Variants in AP3B1 observed in about 807,000 individuals in gnomAD.
The protein encoded by AP3B1 is adaptor related protein complex 3 subunit beta 1, also known as AP-3 complex subunit beta-1.
In AP3B1, 61 loss-of-function variants were observed where a neutral mutation model predicts 132.5. The observed-to-expected ratio is 0.46, with a 90% CI of 0.37 to 0.57. The LOEUF is 0.57. Ranked by LOEUF, AP3B1 falls within the 20% of genes least tolerant of loss-of-function variation. The pLI is 0.00. For missense variants in AP3B1, 1,120 were observed against 1,289.4 expected (o/e 0.87, Z 2.01); for synonymous variants, 388 against 438.3 (o/e 0.89, Z 1.43).
In AP3B1 at chr5:78,030,922, C is replaced by G. The variant is rs192993547; in HGVS notation, c.2894+3439G>C. ...TTGAAACTCCTGGGCTCAAACAATTCTCCCGCTTTGGCCTCCCAACGTGCT... is the reference window on the plus strand; with the variant it reads ...TTGAAACTCCTGGGCTCAAACAATTGTCCCGCTTTGGCCTCCCAACGTGCT... On this transcript the variant is annotated intron_variant, in intron 24 of 26. Transcript: ENST00000255194. Among the ~76,000 whole-genome samples the G allele has an allele frequency of 1.1e-4, 16 of 152,288 alleles. No homozygotes were observed. In the East Asian group the frequency reaches 3.1e-3, roughly 29 times the overall value.
intron 6 of AP3B1, among the ~76,000 whole-genome samples, chr5:78,224,143 C>T (rs140863345): frequency 1.3e-5 from 2 of 152,102 alleles, no homozygotes; most frequent in South Asian, 2.1e-4. Flanking sequence ...AGATAGCATG[C>T]CTGTCATACA....
chr5:78,049,519 G>A (rs1179278557), intron 22 of AP3B1, among the ~76,000 whole-genome samples: 1 of 152,186 alleles, frequency 6.6e-6, no homozygotes, highest in Non-Finnish European at 1.5e-5. Context: ...ATCAACTAGT[G>A]TGATAAATGT....
At chr5:78,011,186 G>T (rs1746610211) in intron 26 of AP3B1, among the ~76,000 whole-genome samples, 1 of 151,912 alleles carries the variant, frequency 6.6e-6, no homozygotes, top group African/African-American at 2.4e-5. Flanking sequence ...GGGATTACAG[G>T]CGCCTGCCAC....
chr5:78,129,178 C>CA lies in AP3B1; in HGVS notation c.1779dup (p.Ala594CysfsTer15). On this transcript the variant is annotated frameshift_variant, in exon 16 of 27. Transcript: ENST00000255194. LOFTEE classifies it high-confidence loss of function. The stretch of plus-strand genomic sequence containing the variant: ...TTTTGTGCTAGGAATATTTTTTTGG[C>CA]ATATTTACTTAAAGCTCCACTCTTT... 1.9e-6 allele frequency: 3 copies of CA among 1,613,116 alleles called. No homozygotes were observed. Among genetic ancestry groups the CA allele is most frequent in the Non-Finnish European group, 2.5e-6 (3 of 1,179,472 alleles).
intron 14 of AP3B1, among the ~76,000 whole-genome samples, chr5:78,147,237 T>G (rs1753445447): frequency 6.6e-6 from 1 of 152,076 alleles, no homozygotes; most frequent in South Asian, 2.1e-4. Flanking sequence ...AAATTACCCT[T>G]TTTTCATTTT....
intron 1 of AP3B1, among the ~76,000 whole-genome samples, chr5:78,273,452 C>T (rs2112570834): frequency 6.6e-6 from 1 of 152,242 alleles, no homozygotes; most frequent in Middle Eastern, 3.4e-3. Context: ...TCCCTCAGTA[C>T]ATTTCCCAAA....
At chr5:78,034,214 T>G (rs1747700323) in intron 24 of AP3B1, 147 bp downstream of exon 24, 1 of 690,674 alleles carries the variant, frequency 1.4e-6, no homozygotes, top group Admixed American at 2.2e-5. Flanking sequence ...GTACAACTAT[T>G]CCAAGGCAGT....
intron 2 of AP3B1, among the ~76,000 whole-genome samples, chr5:78,266,466 A>G (rs1748327398): frequency 6.6e-6 from 1 of 152,066 alleles, no homozygotes; most frequent in Admixed American, 6.6e-5. Flanking sequence ...ATACCACCTC[A>G]CTTTTTAACA....
intron 17 of AP3B1, among the ~76,000 whole-genome samples, chr5:78,117,934 T>G (rs1751932559): frequency 6.6e-6 from 1 of 152,214 alleles, no homozygotes; most frequent in Admixed American, 6.5e-5. Flanking sequence ...GATTGTACCT[T>G]TGAGTTTTTC....
Position 78,113,733 on chromosome 5 carries a change from T to A in AP3B1, c.2249+19A>T. The A allele has an allele frequency of 6.2e-7, 1 of 1,612,730 alleles. No individual in the cohort carries two copies. Among genetic ancestry groups the A allele is most frequent in the Non-Finnish European group, 8.5e-7 (1 of 1,179,942 alleles). ...TTCACAGAATATTTTTTGAAGGAAATTCTGACAAAATAAGTTACCTTTTTC... is the reference window on the plus strand; with the variant it reads ...TTCACAGAATATTTTTTGAAGGAAAATCTGACAAAATAAGTTACCTTTTTC... On this transcript the variant is annotated intron_variant, in intron 19 of 26. Transcript: ENST00000255194.
Position 78,162,882 on chromosome 5 carries a change from TG to T in AP3B1, c.1299del (p.Asn434ThrfsTer23). The stretch of plus-strand genomic sequence containing the variant: ...CACGTGTCAGTGACTTCCAAGATGT[TG>T]GTTGCACATCTGCCTATAGTCTGAA... ...ATIQTIGRCA[T>X]NILEVTDTCL... is the part of the protein sequence containing the mutation. On this transcript the variant is annotated frameshift_variant, in exon 13 of 27. Transcript: ENST00000255194. LOFTEE classifies it high-confidence loss of function. 1 of 1,613,742 alleles carries T rather than the reference TG, an allele frequency of 6.2e-7. No homozygotes were observed. The highest frequency in any genetic ancestry group is 8.5e-7 in the Non-Finnish European group (1 of 1,179,614).
intron 7 of AP3B1, among the ~76,000 whole-genome samples, chr5:78,211,971 A>G (rs1745756575): frequency 6.6e-6 from 1 of 152,242 alleles, no homozygotes; most frequent in African/African-American, 2.4e-5. Flanking sequence ...GCCCTATGGC[A>G]AATGGAATAC....
At chr5:78,042,781 C>G in intron 22 of AP3B1, 1 of 156,968 alleles carries the variant, frequency 6.4e-6, no homozygotes, top group Middle Eastern at 6.3e-4. Flanking sequence ...ATGATGGACA[C>G]AGAGTTTGTT....
intron 18 of AP3B1, chr5:78,115,896 T>C (rs1433552452): frequency 3.9e-6 from 2 of 517,056 alleles, no homozygotes; most frequent in Admixed American, 5.7e-5. Context: ...GTTTCAGCTA[T>C]ACCAATGTAT....
intron 26 of AP3B1, among the ~76,000 whole-genome samples, chr5:78,010,717 G>A (rs1163031378): frequency 6.6e-6 from 1 of 151,944 alleles, no homozygotes; most frequent in Non-Finnish European, 1.5e-5. Context: ...TCCTACCTTC[G>A]AACACATGAG....
In AP3B1 at chr5:78,002,451, A is replaced by G. The variant is rs1746226379; in HGVS notation, c.*451T>C. 4.8e-6 allele frequency: 2 copies of G among 414,280 alleles called. No individual in the cohort carries two copies. The highest frequency in any genetic ancestry group is 3.5e-5 in the East Asian group (1 of 28,844). 25.7% of individuals were successfully genotyped at this position (414,280 alleles called of 1,614,324 possible). On this transcript the variant is annotated 3_prime_UTR_variant, in exon 27 of 27. Transcript: ENST00000255194. ...AATCTTGCAGAGACTATGCTTTTGTATTTGGATTTAAAAAGTATGTGATCT... is the reference window on the plus strand; with the variant it reads ...AATCTTGCAGAGACTATGCTTTTGTGTTTGGATTTAAAAAGTATGTGATCT...
At chr5:78,012,981 A>C (rs973319025) in intron 26 of AP3B1, among the ~76,000 whole-genome samples, 4 of 152,182 alleles carry the variant, frequency 2.6e-5, no homozygotes, top group African/African-American at 9.7e-5. Flanking sequence ...GGTCCCTCTA[A>C]GTCTATCTCC....
chr5:78,043,466 C>A, intron 22 of AP3B1: 1 of 233,362 alleles, frequency 4.3e-6, no homozygotes, highest in South Asian at 6.3e-5. Context: ...TCTTCCTCTG[C>A]CTATCATCAC....
chr5:78,009,103 C>A (rs900010267), intron 26 of AP3B1, among the ~76,000 whole-genome samples: 2 of 152,080 alleles, frequency 1.3e-5, no homozygotes, highest in African/African-American at 4.8e-5. Context: ...CCCCTATTAA[C>A]AACCTTCAAA....
Sources: allele counts gnomAD v4.1 joint callset (sites outside exome capture counted in the v4.1 genomes callset), GRCh38; gene constraint gnomAD v4.1.1; transcripts MANE v1.5; gene names NCBI Gene and HGNC (gene_info 2026-07-23, HGNC 2026-07-21).